DLGAP2: variants seen among roughly 807,000 people sequenced by gnomAD.
The protein encoded by DLGAP2 is DLG associated protein 2.
DLGAP2 carries 26 observed loss-of-function variants against 100.3 expected under a neutral mutation model. The observed-to-expected ratio is 0.26, with a 90% CI of 0.19 to 0.36. The LOEUF is 0.36. Ranked by LOEUF, DLGAP2 falls within the 10% of genes least tolerant of loss-of-function variation. DLGAP2 has a pLI of 1.00. For missense variants in DLGAP2, 1,858 were observed against 1,453.2 expected, an observed-to-expected ratio of 1.28 and a Z score of -4.53; for synonymous variants, 886 against 630.1, an observed-to-expected ratio of 1.41 and a Z score of -6.08.
chr8:1,644,724 G>A (rs1798001696), intron 8 of DLGAP2, among the ~76,000 whole-genome samples: 1 of 152,144 alleles, frequency 6.6e-6, no homozygotes, highest in African/African-American at 2.4e-5. Flanking sequence ...AAATATCTAG[G>A]CCATGGCAGA....
intron 2 of DLGAP2, among the ~76,000 whole-genome samples, chr8:1,191,771 G>A (rs906177965): frequency 1.3e-5 from 2 of 152,052 alleles, no homozygotes; most frequent in Admixed American, 6.5e-5. Context: ...TCTTCCAGGG[G>A]TCCTTTACCT....
At chr8:1,307,475 A>T (rs1264942797) in intron 3 of DLGAP2, among the ~76,000 whole-genome samples, 1 of 152,226 alleles carries the variant, frequency 6.6e-6, no homozygotes, top group Non-Finnish European at 1.5e-5. Flanking sequence ...TCTTCAAAAA[A>T]TAAACATGGA....
chr8:1,149,441 C>T (rs551140369), intron 2 of DLGAP2, among the ~76,000 whole-genome samples: 1 of 152,316 alleles, frequency 6.6e-6, no homozygotes, highest in East Asian at 1.9e-4. Flanking sequence ...GCCACCGCGC[C>T]TGGCCTGAAA....
chr8:1,317,986 C>G (rs1186918960), intron 3 of DLGAP2, among the ~76,000 whole-genome samples: 12 of 33,664 alleles, frequency 3.6e-4, no homozygotes, highest in East Asian at 3.3e-3. Context: ...GGTCTACACT[C>G]GAGAAACTCG....
rs529756084 is a variant in DLGAP2, at chr8:1,500,491, T to G, written c.107-875T>G. Among the ~76,000 whole-genome samples the G allele has an allele frequency of 3.4e-3, 514 of 151,034 alleles. 4 individuals carry two copies. The highest frequency in any genetic ancestry group is 0.012 in the African/African-American group (481 of 40,386). The stretch of plus-strand genomic sequence containing the variant: ...GCAGAGCCTCCCTGAGATCCAGCTG[T>G]GTCTGCACTGCCTCTGCAGCCTGGT... On this transcript the variant is annotated intron_variant, in intron 3 of 14. Transcript: ENST00000637795.
chr8:1,328,702 A>C (rs912047207), intron 3 of DLGAP2, among the ~76,000 whole-genome samples: 1 of 152,168 alleles, frequency 6.6e-6, no homozygotes, highest in South Asian at 2.1e-4. Context: ...TTCTTTTTAA[A>C]AACTCGTAGT....
At chr8:790,510 C>G (rs760587881) in intron 1 of DLGAP2, among the ~76,000 whole-genome samples, 2 of 152,110 alleles carry the variant, frequency 1.3e-5, no homozygotes, top group African/African-American at 2.4e-5. Context: ...TGTAGCAAGA[C>G]CAGCATGGGG....
intron 1 of DLGAP2, among the ~76,000 whole-genome samples, chr8:743,446 G>A (rs968157101): frequency 3.3e-5 from 5 of 152,180 alleles, no homozygotes; most frequent in African/African-American, 9.7e-5. Flanking sequence ...ATATATAACA[G>A]TTAAAAATAC....
intron 12 of DLGAP2, among the ~76,000 whole-genome samples, chr8:1,689,147 G>T (rs1799187753): frequency 6.6e-6 from 1 of 152,180 alleles, no homozygotes; most frequent in African/African-American, 2.4e-5. Context: ...CACTTCCCTG[G>T]ACCTCGGTTT....
Position 1,691,624 on chromosome 8 carries a change from A to T in DLGAP2, c.2794A>T (p.Met932Leu), listed in dbSNP as rs367837538. Residue 932 changes from methionine (M) to leucine (L), a missense_variant and splice_region_variant, in exon 13 of 15, where the codon ATG (methionine) becomes TTG (leucine). By Grantham distance (15) the Met-to-Leu change is conservative. Coordinates refer to ENST00000637795, the MANE Select transcript of DLGAP2 (RefSeq NM_001346810.2). Reference protein sequence around the residue: ...QQFYWLCQQNMDPSAMPRPTS... With the variant: ...QQFYWLCQQNLDPSAMPRPTS... Reference sequence around the variant, plus strand: ...GTTTTATTGGCTTTGCCAACAGAATATGGTAAGTGAATCCTCAGTGAACCC... The same window carrying T: ...GTTTTATTGGCTTTGCCAACAGAATTTGGTAAGTGAATCCTCAGTGAACCC... 1.9e-6 allele frequency: 3 copies of T among 1,613,226 alleles called. No individual in the cohort carries two copies. Among genetic ancestry groups the T allele is most frequent in the Non-Finnish European group, 2.5e-6 (3 of 1,179,470 alleles).
chr8:1,240,512 T>G (rs1341468912), intron 2 of DLGAP2, among the ~76,000 whole-genome samples: 1 of 151,250 alleles, frequency 6.6e-6, no homozygotes, highest in African/African-American at 2.4e-5. Flanking sequence ...CGTGTCTAGT[T>G]CTCTCACATG....
chr8:1,511,227 A>G (rs1277924711), intron 4 of DLGAP2, among the ~76,000 whole-genome samples: 6 of 147,924 alleles, frequency 4.1e-5, no homozygotes, highest in African/African-American at 5.1e-5. Context: ...AAGACAGTCA[A>G]TAGATGACCA....
chr8:1,549,757 G>T (rs1470879840), intron 5 of DLGAP2, 74 bp downstream of exon 5: 5 of 1,402,188 alleles, frequency 3.6e-6, no homozygotes, highest in South Asian at 1.4e-5. Flanking sequence ...TTTTTTAATT[G>T]ACAGATAACA....
intron 1 of DLGAP2, among the ~76,000 whole-genome samples, chr8:906,800 A>T (rs1798390282): frequency 6.6e-6 from 1 of 152,228 alleles, no homozygotes; most frequent in Non-Finnish European, 1.5e-5. Flanking sequence ...TTTTAATTCC[A>T]CATTTTGCAC....
intron 8 of DLGAP2, among the ~76,000 whole-genome samples, chr8:1,657,419 G>A (rs900186070): frequency 6.6e-6 from 1 of 152,218 alleles, no homozygotes; most frequent in Admixed American, 6.5e-5. Context: ...GAATGAAGAC[G>A]ATTATTATCA....
chr8:1,583,407 G>C (rs1379493225), intron 6 of DLGAP2, among the ~76,000 whole-genome samples: 1 of 149,430 alleles, frequency 6.7e-6, no homozygotes, highest in African/African-American at 2.6e-5. Flanking sequence ...ACACCACCAT[G>C]CTGGGCAAGC....
intron 2 of DLGAP2, among the ~76,000 whole-genome samples, chr8:1,058,266 G>T (rs1802943527): frequency 6.6e-6 from 1 of 152,182 alleles, no homozygotes; most frequent in Admixed American, 6.6e-5. Context: ...TTCTTTTGGA[G>T]ATGTTGCTTT....
chr8:1,283,107 G>A (rs60931827), intron 3 of DLGAP2, among the ~76,000 whole-genome samples: 6 of 116,270 alleles, frequency 5.2e-5, no homozygotes, highest in South Asian at 5.4e-4. Flanking sequence ...TGAACCCAGC[G>A]CCCTGAACCA....
intron 4 of DLGAP2, among the ~76,000 whole-genome samples, chr8:1,545,569 A>G (rs552151519): frequency 6.6e-6 from 1 of 152,374 alleles, no homozygotes; most frequent in East Asian, 1.9e-4. Context: ...AGAAATTACC[A>G]GCCCCTAAGT....
Sources: gnomAD v4.1 joint callset for allele counts (sites outside exome capture counted in the v4.1 genomes callset) on GRCh38, gnomAD v4.1.1 for gene constraint, MANE v1.5 for transcripts, NCBI Gene and HGNC (gene_info 2026-07-23, HGNC 2026-07-21) for gene names.